The following NPLOC4 variants were observed in gnomAD, a reference collection of about 807,000 sequenced individuals.
NPLOC4 encodes the protein NPL4 homolog, ubiquitin recognition factor.
Under a neutral mutation model 80.6 loss-of-function variants are expected in NPLOC4, and 18 were observed. The ratio of observed to expected loss-of-function variants is 0.22; its 90% CI spans 0.15 to 0.33. The LOEUF (loss-of-function observed/expected upper bound fraction) is 0.33, where lower values mean the gene tolerates loss of function less well. NPLOC4 is among the 10% of genes least tolerant of loss of function. NPLOC4 has a pLI of 1.00. For synonymous variants in NPLOC4, 313 were observed against 301.5 expected (o/e 1.04, Z -0.39); for missense variants, 540 against 786.1 (o/e 0.69, Z 3.74).
rs1323268238 is a variant in NPLOC4, at chr17:81,565,985, CG to C, written c.1567-379del. On this transcript the variant is annotated intron_variant, in intron 15 of 16. Coordinates refer to ENST00000331134, the MANE Select transcript of NPLOC4 (RefSeq NM_017921.4). Reference sequence around the variant, plus strand: ...TCATCCCTCTGCCTCTTTCTCCTCTCGTGTCTGGAAAAATGCACTCTCTATC... The same window carrying C: ...TCATCCCTCTGCCTCTTTCTCCTCTCTGTCTGGAAAAATGCACTCTCTATC... Among the ~76,000 whole-genome samples, 4 of 152,270 alleles carry C rather than the reference CG, an allele frequency of 2.6e-5. No homozygotes were observed. The East Asian group carries it at 7.7e-4, about 29-fold the overall frequency.
intron 3 of NPLOC4, among the ~76,000 whole-genome samples, chr17:81,621,620 T>G (rs936260193): frequency 6.6e-6 from 1 of 152,214 alleles, no homozygotes; most frequent in African/African-American, 2.4e-5. Flanking sequence ...TCACGGTCTA[T>G]CACAACTAAA....
intron 9 of NPLOC4, among the ~76,000 whole-genome samples, chr17:81,599,783 A>G (rs1356893125): frequency 2.0e-5 from 3 of 152,262 alleles, no homozygotes; most frequent in African/African-American, 4.8e-5. Context: ...TCCTTTTCTC[A>G]TCTTCTAACT....
At position 81,613,306 on chromosome 17, in the gene NPLOC4, T is replaced by C; in HGVS notation, c.386+12A>G. 1.2e-6 allele frequency: 2 copies of C among 1,607,344 alleles called. No individual in the cohort carries two copies. The highest frequency in any genetic ancestry group is 1.7e-6 in the Non-Finnish European group (2 of 1,176,906). The stretch of plus-strand genomic sequence containing the variant: ...CCACAAGTAGGACCCTGGAATCTCA[T>C]GGATCACTTACAGCTGTGGGTCTCG... On this transcript the variant is annotated intron_variant, in intron 4 of 16. Coordinates refer to ENST00000331134, the MANE Select transcript of NPLOC4 (RefSeq NM_017921.4).
At chr17:81,597,160 G>T in intron 10 of NPLOC4, 85 bp downstream of exon 10, 1 of 891,236 alleles carries the variant, frequency 1.1e-6, no homozygotes, top group Non-Finnish European at 1.8e-6. Flanking sequence ...TAGAACCAGC[G>T]GTGCAAAGAG....
chr17:81,621,313 G>C (rs1387780668), intron 3 of NPLOC4, among the ~76,000 whole-genome samples: 3 of 152,160 alleles, frequency 2.0e-5, no homozygotes, highest in South Asian at 4.1e-4. Flanking sequence ...TGCTACAATT[G>C]CATGTTGTGT....
chr17:81,559,688 CG>C (rs1362290851), intron 16 of NPLOC4, among the ~76,000 whole-genome samples: 1 of 150,272 alleles, frequency 6.7e-6, no homozygotes, highest in African/African-American at 2.5e-5. Flanking sequence ...TTGTGAATAA[CG>C]TAACTCCCCG....
intron 11 of NPLOC4, among the ~76,000 whole-genome samples, chr17:81,595,540 T>C (rs1259876602): frequency 6.2e-4 from 92 of 149,244 alleles, no homozygotes; most frequent in South Asian, 3.6e-3. Context: ...ATATATTTTT[T>C]TTTTCTTTTC....
chr17:81,601,148 T>C (rs996720197), intron 8 of NPLOC4, among the ~76,000 whole-genome samples: 3 of 152,190 alleles, frequency 2.0e-5, no homozygotes, highest in African/African-American at 7.2e-5. Flanking sequence ...TAAATGTAGC[T>C]TGCGGGTCAT....
At chr17:81,573,232 G>T (rs2034207072) in intron 12 of NPLOC4, among the ~76,000 whole-genome samples, 1 of 151,978 alleles carries the variant, frequency 6.6e-6, no homozygotes, top group African/African-American at 2.4e-5. Flanking sequence ...CAATTATAGG[G>T]CCTTACATAA....
At chr17:81,584,439 C>T (rs2034521859) in intron 12 of NPLOC4, among the ~76,000 whole-genome samples, 1 of 152,160 alleles carries the variant, frequency 6.6e-6, no homozygotes, top group Admixed American at 6.5e-5. Context: ...AGCCAATTTC[C>T]AATCTGAAAA....
chr17:81,560,717 C>T (rs2033824712), intron 16 of NPLOC4: 1 of 152,860 alleles, frequency 6.5e-6, no homozygotes, highest in Non-Finnish European at 1.5e-5. Flanking sequence ...AACAAAAAAC[C>T]TACCTAGGAA....
At position 81,572,047 on chromosome 17, in the gene NPLOC4, C is replaced by A. The variant is rs17852307; in HGVS notation, c.1323G>T (p.Arg441=). The change falls in exon 13 of 17, where the codon CGG becomes CGT. Residue 441 remains arginine (R), a synonymous_variant. Coordinates refer to ENST00000331134, the MANE Select transcript of NPLOC4 (RefSeq NM_017921.4). The surrounding 1 kb of genome is among the most constrained non-coding windows in gnomAD (Gnocchi z 4.5). ...KFGNEITQLA[R]PLPVEYLIID... ...TGATGAGATACTCCACAGGCAGGGG[C>A]CGGGCCAGCTGGGTGATCTCGTTGC... The A allele has an allele frequency of 6.7e-3, 10,794 of 1,606,606 alleles. 53 individuals are homozygous for A. The highest frequency in any genetic ancestry group is 8.3e-3 in the Non-Finnish European group (9,757 of 1,175,656).
At chr17:81,624,205 G>A (rs1453851337) in intron 2 of NPLOC4, among the ~76,000 whole-genome samples, 1 of 152,138 alleles carries the variant, frequency 6.6e-6, no homozygotes, top group African/African-American at 2.4e-5. Flanking sequence ...CGGATCACGA[G>A]GTCAGGAGAT....
chr17:81,602,659 GC>G (rs2035089416), intron 8 of NPLOC4, among the ~76,000 whole-genome samples: 2 of 151,020 alleles, frequency 1.3e-5, no homozygotes, highest in South Asian at 4.2e-4. Flanking sequence ...TGGAGATCAT[GC>G]CACTGCACTC....
chr17:81,622,903 C>T (rs1388519379), intron 2 of NPLOC4, among the ~76,000 whole-genome samples: 1 of 151,746 alleles, frequency 6.6e-6, no homozygotes, highest in Non-Finnish European at 1.5e-5. Context: ...ATTGTAAAAA[C>T]CCAATTCCAG....
At position 81,572,761 on chromosome 17, in the gene NPLOC4, CCT is replaced by C. The variant is rs1436799229; in HGVS notation, c.1282-675_1282-674del. On this transcript the variant is annotated intron_variant, in intron 12 of 16. Transcript: ENST00000331134. The surrounding 1 kb of genome is among the most constrained non-coding windows in gnomAD (Gnocchi z 4.5). Reference sequence around the variant, plus strand: ...CGTTCCCCTCAGGTTGGACCTGTGCCCTGTCTATCCTCCAAAAGCACATGAAT... The same window carrying C: ...CGTTCCCCTCAGGTTGGACCTGTGCCGTCTATCCTCCAAAAGCACATGAAT... Among the ~76,000 whole-genome samples, 1 of 152,226 alleles carries C rather than the reference CCT, an allele frequency of 6.6e-6. No individual in the cohort carries two copies. Among genetic ancestry groups the C allele is most frequent in the Non-Finnish European group, 1.5e-5 (1 of 68,044 alleles).
rs1390426272 is a variant in NPLOC4, at chr17:81,565,505, T to A, written c.1669A>T (p.Ser557Cys). ...CGGGGCAGGGGGTGGGGGTACTCAC[T>A]GCACAGCTGCTCGATGGTGGCCCAC... Reference protein sequence around the residue: ...EQWATIEQLCSTVGGQLPGLH... With the variant: ...EQWATIEQLCCTVGGQLPGLH... The change falls in exon 16 of 17, where the codon AGC becomes TGC. Residue 557 changes from serine to cysteine, a missense_variant and splice_region_variant. Ser to Cys is a moderately radical substitution (Grantham distance 112). Around this residue, in one of 6 missense-constraint regions of NPLOC4, gnomAD observed 251 missense variants for 377.5 expected, o/e 0.66. Coordinates refer to ENST00000331134, the MANE Select transcript of NPLOC4 (RefSeq NM_017921.4). The A allele has an allele frequency of 1.7e-5, 27 of 1,547,898 alleles. No homozygotes were observed. Among genetic ancestry groups the A allele is most frequent in the Non-Finnish European group, 2.4e-5 (27 of 1,147,596 alleles).
chr17:81,633,348 C>T (rs112883845), intron 1 of NPLOC4, among the ~76,000 whole-genome samples: 7 of 152,224 alleles, frequency 4.6e-5, no homozygotes, highest in Admixed American at 1.3e-4. Flanking sequence ...TTCCTTCAAA[C>T]GATGACTCTG....
At chr17:81,601,226 G>A (rs1211594986) in intron 8 of NPLOC4, among the ~76,000 whole-genome samples, 1 of 152,174 alleles carries the variant, frequency 6.6e-6, no homozygotes, top group African/African-American at 2.4e-5. Context: ...ATCTCAAATT[G>A]AGTTACAGTA....
Sources: gnomAD v4.1 joint callset for allele counts (sites outside exome capture counted in the v4.1 genomes callset) on GRCh38, gnomAD v4.1.1 for gene constraint, gnomAD v4.1.1 regional missense constraint, Gnocchi (gnomAD v3.1) non-coding constraint, MANE v1.5 for transcripts, NCBI Gene and HGNC (gene_info 2026-07-23, HGNC 2026-07-21) for gene names.